ARHGAP35: variants seen among roughly 807,000 people sequenced by gnomAD.
ARHGAP35 encodes the protein Rho GTPase activating protein 35, also known as rho GTPase-activating protein 35.
A neutral mutation model predicts 111.1 loss-of-function variants in ARHGAP35; 15 were observed. The observed-to-expected ratio is 0.13, with a 90% CI of 0.09 to 0.21. ARHGAP35 has a LOEUF of 0.21. Ranked by LOEUF, ARHGAP35 falls within the 10% of genes least tolerant of loss-of-function variation. The probability of loss-of-function intolerance (pLI) is 1.00; values close to 1 mark genes in which losing one functional copy is unlikely to be tolerated. For synonymous variants in ARHGAP35, 643 were observed against 710.3 expected, an observed-to-expected ratio of 0.91 and a Z score of 1.51; for missense variants, 1,262 against 1,873.0, an observed-to-expected ratio of 0.67 and a Z score of 6.02.
At chr19:46,961,083 T>TG (rs1260342131) in intron 3 of ARHGAP35, among the ~76,000 whole-genome samples, 4 of 151,974 alleles carry the variant, frequency 2.6e-5, no homozygotes, top group African/African-American at 9.7e-5. Flanking sequence ...TTAGTAGAGA[T>TG]GGGGTTTCAC....
chr19:46,861,371 CG>C (rs2055825885), intron 1 of ARHGAP35, among the ~76,000 whole-genome samples, 162 bp downstream of exon 1: 1 of 149,482 alleles, frequency 6.7e-6, no homozygotes, highest in Admixed American at 6.6e-5. Flanking sequence ...CGGGCCCCGC[CG>C]TCCCCGTCGC....
intron 2 of ARHGAP35, among the ~76,000 whole-genome samples, chr19:46,935,335 C>T (rs966723126): frequency 2.0e-4 from 30 of 152,322 alleles, no homozygotes; most frequent in African/African-American, 6.3e-4. Flanking sequence ...ATTCTCATTG[C>T]CTTTGGTTTG....
At chr19:46,869,277 G>C (rs1205840591) in intron 1 of ARHGAP35, among the ~76,000 whole-genome samples, 1 of 151,962 alleles carries the variant, frequency 6.6e-6, no homozygotes, top group Non-Finnish European at 1.5e-5. Flanking sequence ...GTTAGTTACA[G>C]CTAATAGCCT....
intron 1 of ARHGAP35, among the ~76,000 whole-genome samples, chr19:46,906,346 C>G (rs1179891318): frequency 1.3e-5 from 2 of 152,012 alleles, no homozygotes; most frequent in African/African-American, 4.8e-5. Context: ...TGGACTTGCT[C>G]TCTTGAGGCT....
intron 1 of ARHGAP35, among the ~76,000 whole-genome samples, chr19:46,909,231 A>T (rs2056125934): frequency 1.3e-5 from 2 of 152,166 alleles, no homozygotes; most frequent in Admixed American, 1.3e-4. Context: ...TGAGCCTTGA[A>T]GATTGAGGCT....
At chr19:46,903,926 C>T (rs1431716387) in intron 1 of ARHGAP35, among the ~76,000 whole-genome samples, 2 of 150,806 alleles carry the variant, frequency 1.3e-5, no homozygotes, top group African/African-American at 4.9e-5. Context: ...TGAAATATAT[C>T]TTGAAGTGTT....
At position 46,947,712 on chromosome 19, in the gene ARHGAP35, G is replaced by C. The variant is rs2056387966; in HGVS notation, c.3826+10304G>C. 3.3e-5 allele frequency: 5 copies of C among 152,108 alleles called. No individual in the cohort carries two copies. In the South Asian group the frequency reaches 1.0e-3, roughly 32 times the overall value. 9.4% of individuals were successfully genotyped at this position (152,108 alleles called of 1,614,324 possible). Reference sequence around the variant, plus strand: ...TAGTGTCAGATCCTGCAGGTTGGGGGCTCAGCACCCAAGACTGCCCTCCAC... The same window carrying C: ...TAGTGTCAGATCCTGCAGGTTGGGGCCTCAGCACCCAAGACTGCCCTCCAC... On this transcript the variant is annotated intron_variant, in intron 3 of 6. Transcript: ENST00000672722.
At chr19:46,905,726 A>G (rs2056104237) in intron 1 of ARHGAP35, among the ~76,000 whole-genome samples, 1 of 151,620 alleles carries the variant, frequency 6.6e-6, no homozygotes, top group Non-Finnish European at 1.5e-5. Flanking sequence ...ATTTTTTTGT[A>G]TTTTTAGTAG....
Position 46,968,877 on chromosome 19 carries a change from G to A in ARHGAP35, c.3827-19112G>A, listed in dbSNP as rs113990524. Among the ~76,000 whole-genome samples, 5 of 152,146 alleles carry A rather than the reference G, an allele frequency of 3.3e-5. 1 individual carries two copies. Among genetic ancestry groups the A allele is most frequent in the African/African-American group, 7.2e-5 (3 of 41,518 alleles). On this transcript the variant is annotated intron_variant, in intron 3 of 6. Transcript: ENST00000672722. ...CAAGGCAGGCAGATCATCTCAGGTCGGGAGTTCAAGACCATCCTGGCCAAC... is the reference window on the plus strand; with the variant it reads ...CAAGGCAGGCAGATCATCTCAGGTCAGGAGTTCAAGACCATCCTGGCCAAC...
chr19:46,928,725 A>G (rs1300558030), intron 2 of ARHGAP35, among the ~76,000 whole-genome samples: 1 of 152,124 alleles, frequency 6.6e-6, no homozygotes, highest in African/African-American at 2.4e-5. Context: ...TGAGGTCAGG[A>G]GTTCGAGACC....
intron 1 of ARHGAP35, among the ~76,000 whole-genome samples, chr19:46,873,645 A>AT (rs1448150098): frequency 1.3e-5 from 2 of 151,788 alleles, no homozygotes; most frequent in Non-Finnish European, 2.9e-5. Flanking sequence ...TCAAAAAAAA[A>AT]AAAAAGCCGT....
chr19:46,919,452 T>C lies in ARHGAP35; in HGVS notation c.777T>C (p.Tyr259=), dbSNP rs1409902466. ...GGGGAAAGACAAAAATCATTCCTTA[T>C]TTTGAAGCTCTCAAGCAGCAGAGTC... ...KSRGKTKIIP[Y]FEALKQQSQQ... The change falls in exon 2 of 7, where the codon TAT becomes TAC. Residue 259 remains tyrosine, a synonymous_variant. Coordinates refer to ENST00000672722, the MANE Select transcript of ARHGAP35 (RefSeq NM_004491.5). The surrounding 1 kb of genome is among the most constrained non-coding windows in gnomAD (Gnocchi z 6.2). 1.9e-6 allele frequency: 3 copies of C among 1,613,996 alleles called. No homozygotes were observed. Among genetic ancestry groups the C allele is most frequent in the South Asian group, 2.2e-5 (2 of 91,080 alleles).
At chr19:46,974,845 A>T (rs1352383992) in intron 3 of ARHGAP35, among the ~76,000 whole-genome samples, 3 of 152,002 alleles carry the variant, frequency 2.0e-5, no homozygotes. Context: ...GAGTAACCTC[A>T]TTATCATGAA....
At chr19:46,991,951 A>G (rs2056681546) in intron 5 of ARHGAP35, among the ~76,000 whole-genome samples, 1 of 152,258 alleles carries the variant, frequency 6.6e-6, no homozygotes. Context: ...CACAACAAAT[A>G]TCAAGGTCAC....
intron 3 of ARHGAP35, among the ~76,000 whole-genome samples, chr19:46,961,763 C>T (rs1366083578): frequency 6.6e-6 from 1 of 152,042 alleles, no homozygotes; most frequent in Non-Finnish European, 1.5e-5. Flanking sequence ...AACCCCATCT[C>T]TACTAAAAAT....
chr19:46,923,738 G>T (rs2056221320), intron 2 of ARHGAP35, among the ~76,000 whole-genome samples: 1 of 151,666 alleles, frequency 6.6e-6, no homozygotes, highest in African/African-American at 2.4e-5. Flanking sequence ...GGCCAACATG[G>T]TGAAACCCTA....
At chr19:46,940,618 T>C (rs373120645) in intron 3 of ARHGAP35, among the ~76,000 whole-genome samples, 46 of 151,962 alleles carry the variant, frequency 3.0e-4, no homozygotes, top group African/African-American at 1.0e-3. Flanking sequence ...TTTTTTTTTT[T>C]TTAATTTTTT....
chr19:46,889,281 T>C (rs1428135696), intron 1 of ARHGAP35, among the ~76,000 whole-genome samples: 2 of 151,958 alleles, frequency 1.3e-5, no homozygotes, highest in African/African-American at 4.8e-5. Context: ...CTGGCCGACA[T>C]GGTGAAACCC....
Position 46,879,587 on chromosome 19 carries a change from A to AAAATAAATAAATAAATAAATAAATAAAT in ARHGAP35, c.-189+18382_-189+18409dup, listed in dbSNP as rs376342193. 4.3e-3 allele frequency among the ~76,000 whole-genome samples: 376 copies of AAAATAAATAAATAAATAAATAAATAAAT among 87,698 alleles called. 3 individuals are homozygous for AAAATAAATAAATAAATAAATAAATAAAT. The highest frequency in any genetic ancestry group is 5.2e-3 in the East Asian group (21 of 4,036). The allele number at this position is 87,698 out of a possible 152,430, so 57.5% of individuals were successfully genotyped here. A position where few individuals can be genotyped will look rare whatever the true frequency, so the allele number is the denominator to read the frequency against. On this transcript the variant is annotated intron_variant, in intron 1 of 6. Transcript: ENST00000672722. ...GGACAACAGAGTGAGACTCCATCTCAAAATAAATAAATAAATAAATAAATA... is the reference window on the plus strand; with the variant it reads ...GGACAACAGAGTGAGACTCCATCTCAAAATAAATAAATAAATAAATAAATAAATAAATAAATAAATAAATAAATAAATA...
Sources: allele counts gnomAD v4.1 joint callset (sites outside exome capture counted in the v4.1 genomes callset), GRCh38; gene constraint gnomAD v4.1.1; non-coding constraint Gnocchi (gnomAD v3.1); transcripts MANE v1.5; gene names NCBI Gene and HGNC (gene_info 2026-07-23, HGNC 2026-07-21).